PDE3B: variants seen among roughly 807,000 people sequenced by gnomAD.
PDE3B encodes the protein cGMP-inhibited 3',5'-cyclic phosphodiesterase 3B.
Under a neutral mutation model 116.8 loss-of-function variants are expected in PDE3B, and 66 were observed. The observed-to-expected ratio is 0.56, with a 90% confidence interval of 0.46 to 0.69. The LOEUF (loss-of-function observed/expected upper bound fraction) is 0.69. Ranked by LOEUF, PDE3B falls within the 30% of genes least tolerant of loss-of-function variation. PDE3B has a pLI of 0.00. For missense variants in PDE3B, 1,384 were observed against 1,368.1 expected (o/e 1.01, Z -0.18); for synonymous variants, 595 against 533.6 (o/e 1.12, Z -1.59).
At chr11:14,666,454 GCTT>G (rs1389599069) in intron 1 of PDE3B, among the ~76,000 whole-genome samples, 4 of 150,650 alleles carry the variant, frequency 2.7e-5, no homozygotes, top group African/African-American at 9.7e-5. Context: ...AAACTCAAGA[GCTT>G]CTGCACAGCA....
At chr11:14,691,145 A>G (rs188499189) in intron 1 of PDE3B, among the ~76,000 whole-genome samples, 221 of 152,330 alleles carry the variant, frequency 1.5e-3, no homozygotes, top group African/African-American at 4.9e-3. Context: ...TTGTTACTGT[A>G]TTAGCACTGT....
At chr11:14,843,585 G>A (rs940680213) in intron 11 of PDE3B, among the ~76,000 whole-genome samples, 1 of 152,176 alleles carries the variant, frequency 6.6e-6, no homozygotes, top group Non-Finnish European at 1.5e-5. Flanking sequence ...CATCAAACTT[G>A]TGTGAGAATC....
intron 1 of PDE3B, among the ~76,000 whole-genome samples, chr11:14,758,054 A>G (rs1313795797): frequency 1.3e-5 from 2 of 151,856 alleles, no homozygotes; most frequent in East Asian, 3.9e-4. Context: ...CATTTATTAA[A>G]TAGGGAATCC....
chr11:14,842,695 G>C (rs1847500667), intron 11 of PDE3B, among the ~76,000 whole-genome samples: 1 of 152,068 alleles, frequency 6.6e-6, no homozygotes, highest in Non-Finnish European at 1.5e-5. Context: ...ATTACGATTG[G>C]ACCTATGAAT....
chr11:14,724,995 G>T (rs748815450), intron 1 of PDE3B, among the ~76,000 whole-genome samples: 4 of 152,170 alleles, frequency 2.6e-5, no homozygotes, highest in Non-Finnish European at 5.9e-5. Context: ...TAGAAAGTAC[G>T]TAAATAAACA....
At chr11:14,878,254 C>A in the PDE3B span, 2 of 1,613,000 alleles carry the variant, frequency 1.2e-6, no homozygotes, top group South Asian at 2.2e-5. Flanking sequence ...AAAACAAGAA[C>A]ATTTCCATCC....
At chr11:14,772,778 A>T (rs1339524910) in intron 2 of PDE3B, 2 of 151,988 alleles carry the variant, frequency 1.3e-5, no homozygotes. Context: ...CTCATAAAAC[A>T]TCAAGCAATA....
At chr11:14,790,344 T>G (rs74637232) in intron 4 of PDE3B, among the ~76,000 whole-genome samples, 1 of 151,500 alleles carries the variant, frequency 6.6e-6, no homozygotes, top group Non-Finnish European at 1.5e-5. Context: ...TTTTTTTTTT[T>G]GTAAAGGAAG....
chr11:14,813,014 C>A (rs1465640781), intron 5 of PDE3B, among the ~76,000 whole-genome samples: 1 of 152,112 alleles, frequency 6.6e-6, no homozygotes, highest in African/African-American at 2.4e-5. Context: ...AGAAGATGGC[C>A]GTCAGTGAAC....
chr11:14,782,663 G>A (rs1417664057), intron 2 of PDE3B, among the ~76,000 whole-genome samples: 1 of 152,154 alleles, frequency 6.6e-6, no homozygotes, highest in African/African-American at 2.4e-5. Flanking sequence ...AACCCTAGAA[G>A]AAAACCTAGG....
intron 1 of PDE3B, among the ~76,000 whole-genome samples, chr11:14,766,504 A>G (rs1857502414): frequency 6.6e-6 from 1 of 151,630 alleles, no homozygotes; most frequent in South Asian, 2.1e-4. Context: ...TTTATATTTT[A>G]TATTTACTTT....
At chr11:14,706,333 T>C (rs1224378635) in intron 1 of PDE3B, among the ~76,000 whole-genome samples, 4 of 151,912 alleles carry the variant, frequency 2.6e-5, no homozygotes, top group African/African-American at 9.7e-5. Context: ...AATAAATGGA[T>C]TCATCTTTTA....
At chr11:14,712,347 A>G (rs1855729109) in intron 1 of PDE3B, among the ~76,000 whole-genome samples, 1 of 152,056 alleles carries the variant, frequency 6.6e-6, no homozygotes, top group Non-Finnish European at 1.5e-5. Flanking sequence ...GGGCTCCCAA[A>G]GCACTGAGAT....
intron 7 of PDE3B, among the ~76,000 whole-genome samples, chr11:14,824,896 T>C (rs1859639558): frequency 6.6e-6 from 1 of 151,812 alleles, no homozygotes; most frequent in Non-Finnish European, 1.5e-5. Flanking sequence ...GCAGGTCACC[T>C]ACGAAGGGAA....
At chr11:14,709,464 A>G (rs1855633343) in intron 1 of PDE3B, among the ~76,000 whole-genome samples, 1 of 152,166 alleles carries the variant, frequency 6.6e-6, no homozygotes, top group South Asian at 2.1e-4. Context: ...TTTTGCCTGT[A>G]ACCTGGGGGC....
intron 11 of PDE3B, among the ~76,000 whole-genome samples, chr11:14,840,773 C>G (rs1860196570): frequency 6.6e-6 from 1 of 152,158 alleles, no homozygotes; most frequent in South Asian, 2.1e-4. Context: ...AGAGACATGG[C>G]CAGCTGAAAG....
chr11:14,892,147 A>G, the PDE3B span: 10 of 1,611,144 alleles, frequency 6.2e-6, no homozygotes, highest in Non-Finnish European at 8.5e-6. Context: ...GAAGAGCAGC[A>G]GGAAGAGCGC....
At chr11:14,867,199 T>C (rs1173187858) in intron 14 of PDE3B, among the ~76,000 whole-genome samples, 3 of 152,136 alleles carry the variant, frequency 2.0e-5, no homozygotes, top group Admixed American at 6.5e-5. Flanking sequence ...GAATCCATAA[T>C]TGACACTATG....
intron 1 of PDE3B, among the ~76,000 whole-genome samples, chr11:14,651,722 A>G (rs184923923): frequency 5.9e-5 from 9 of 152,276 alleles, no homozygotes. Flanking sequence ...TTTTTATCCA[A>G]ATGGATATCC....
Sources: allele counts gnomAD v4.1 joint callset (sites outside exome capture counted in the v4.1 genomes callset), GRCh38; gene constraint gnomAD v4.1.1; transcripts MANE v1.5; gene names NCBI Gene and HGNC (gene_info 2026-07-23, HGNC 2026-07-21).